Variants in SMARCA2 observed in about 807,000 individuals in gnomAD.
SMARCA2 encodes SWI/SNF-related matrix-associated actin-dependent regulator of chromatin subfamily A member 2.
A neutral mutation model predicts 199.8 loss-of-function variants in SMARCA2; 61 were observed. The ratio of observed to expected loss-of-function variants is 0.31; its 90% CI spans 0.25 to 0.38. The LOEUF is 0.38. Ranked by LOEUF, SMARCA2 falls within the 10% of genes least tolerant of loss-of-function variation. SMARCA2 has a pLI of 1.00. For missense variants in SMARCA2, 1,344 were observed against 2,012.2 expected, an observed-to-expected ratio of 0.67 and a Z score of 6.35; for synonymous variants, 935 against 732.0, an observed-to-expected ratio of 1.28 and a Z score of -4.48.
intron 14 of SMARCA2, among the ~76,000 whole-genome samples, chr9:2,078,598 G>A (rs1329562152): frequency 3.3e-5 from 5 of 152,094 alleles, no homozygotes; most frequent in Admixed American, 6.5e-5. Flanking sequence ...ACTTAGTGAC[G>A]TTTCCCAAAT....
intron 21 of SMARCA2, among the ~76,000 whole-genome samples, chr9:2,098,958 A>AC (rs1182158520): frequency 6.7e-6 from 1 of 149,754 alleles, no homozygotes; most frequent in East Asian, 2.2e-4. Flanking sequence ...AAAAAAAAAA[A>AC]AAAAGTCACA....
Position 2,060,999 on chromosome 9 carries a change from G to T in SMARCA2, c.1692+13G>T, listed in dbSNP as rs761518292. On this transcript the variant is annotated intron_variant, in intron 9 of 33. Transcript: ENST00000349721. ...GAGGAGGAAGAAGGTGCGTATCCTAGTGGTGGTGGCTGAGTCCAGGGTGTA... is the reference window on the plus strand; with the variant it reads ...GAGGAGGAAGAAGGTGCGTATCCTATTGGTGGTGGCTGAGTCCAGGGTGTA... 10 of 1,611,778 alleles carry T rather than the reference G, an allele frequency of 6.2e-6. No individual in the cohort carries two copies. Among genetic ancestry groups the T allele is most frequent in the African/African-American group, 1.3e-5 (1 of 74,914 alleles).
chr9:2,095,756 A>C (rs3793488), intron 19 of SMARCA2, among the ~76,000 whole-genome samples: 18,450 of 152,290 alleles, frequency 0.12, 1,261 homozygotes, highest in East Asian at 0.27. Context: ...TAATGTGATC[A>C]TTTTACATCA....
chr9:2,181,697 C>G (rs771624643), intron 30 of SMARCA2, 21 bp downstream of exon 30: 6 of 1,177,796 alleles, frequency 5.1e-6, no homozygotes, highest in Non-Finnish European at 7.7e-6. Context: ...TGTTTACCAA[C>G]TTTATTCTTC....
At chr9:2,162,489 C>T (rs538079735) in intron 28 of SMARCA2, among the ~76,000 whole-genome samples, 3 of 152,218 alleles carry the variant, frequency 2.0e-5, no homozygotes, top group East Asian at 3.9e-4. Context: ...CTGTGTGGGA[C>T]ACTCCTCCCA....
chr9:2,061,911 C>T (rs74578019), intron 9 of SMARCA2, among the ~76,000 whole-genome samples: 628 of 152,304 alleles, frequency 4.1e-3, no homozygotes, highest in Non-Finnish European at 7.0e-3. Flanking sequence ...GCACTGATTT[C>T]TTTAGTATAA....
At chr9:2,142,012 C>T (rs948471742) in intron 27 of SMARCA2, among the ~76,000 whole-genome samples, 4 of 152,078 alleles carry the variant, frequency 2.6e-5, no homozygotes, top group Admixed American at 2.6e-4. Flanking sequence ...CCTGGCTGCT[C>T]CTACAGTAGG....
At chr9:2,154,578 C>T (rs1244439040) in intron 27 of SMARCA2, among the ~76,000 whole-genome samples, 4 of 152,138 alleles carry the variant, frequency 2.6e-5, no homozygotes, top group African/African-American at 7.2e-5. Flanking sequence ...TGACTTGTTG[C>T]AGTAGCGTGG....
At chr9:2,067,693 A>T (rs1375951207) in intron 9 of SMARCA2, among the ~76,000 whole-genome samples, 2 of 152,220 alleles carry the variant, frequency 1.3e-5, no homozygotes, top group Admixed American at 1.3e-4. Flanking sequence ...GCACTTAATT[A>T]CAGAGAGCTA....
At position 2,036,177 on chromosome 9, in the gene SMARCA2, A is replaced by AGTGT. The variant is rs140964092; in HGVS notation, c.355+3119_355+3122dup. ...TTCAAAAGCAGGTATATATTTAAAT[A>AGTGT]GTGTGTGTGTGTGTGTGTGTGTGTG... On this transcript the variant is annotated intron_variant, in intron 3 of 33. Coordinates refer to ENST00000349721, the MANE Select transcript of SMARCA2 (RefSeq NM_003070.5). 2.5e-3 allele frequency among the ~76,000 whole-genome samples: 368 copies of AGTGT among 147,916 alleles called. 2 individuals are homozygous for AGTGT. Among genetic ancestry groups the AGTGT allele is most frequent in the Non-Finnish European group, 3.3e-3 (216 of 66,352 alleles).
intron 3 of SMARCA2, among the ~76,000 whole-genome samples, chr9:2,035,794 T>C (rs1390287910): frequency 6.6e-6 from 1 of 152,238 alleles, no homozygotes; most frequent in Non-Finnish European, 1.5e-5. Context: ...TTCTCTAAAA[T>C]AGTGAAGTGC....
chr9:2,044,157 G>A (rs185348298), intron 4 of SMARCA2: 1 of 152,362 alleles, frequency 6.6e-6, no homozygotes, highest in African/African-American at 2.4e-5. Context: ...GGTAGACTTT[G>A]GGCAAGGCTA....
intron 9 of SMARCA2, among the ~76,000 whole-genome samples, chr9:2,069,415 C>G (rs1000818814): frequency 6.6e-6 from 1 of 151,408 alleles, no homozygotes; most frequent in African/African-American, 2.4e-5. Context: ...AAAAATTAGC[C>G]GGGCGTGGTG....
At chr9:2,157,649 C>G (rs1057195187) in intron 27 of SMARCA2, 1 of 373,228 alleles carries the variant, frequency 2.7e-6, no homozygotes, top group Non-Finnish European at 4.8e-6. Flanking sequence ...GTTTGTTCCA[C>G]TGTAAGGACT....
At chr9:2,097,067 C>G (rs1822303472) in intron 20 of SMARCA2, 1 of 494,136 alleles carries the variant, frequency 2.0e-6, no homozygotes, top group Non-Finnish European at 3.6e-6. Context: ...AATCCAGTTT[C>G]ACTCCCTGGG....
At chr9:2,181,271 T>TTAAA (rs1827003845) in intron 29 of SMARCA2, 5 of 220,528 alleles carry the variant, frequency 2.3e-5, no homozygotes, top group South Asian at 2.1e-4. Flanking sequence ...CAAGGATATT[T>TTAAA]TAAATATTTC....
chr9:2,163,018 A>G (rs1166784566), intron 28 of SMARCA2: 2 of 152,260 alleles, frequency 1.3e-5, no homozygotes, highest in Admixed American at 1.3e-4. Flanking sequence ...TTTAACATGA[A>G]TAACTACGTT....
intron 24 of SMARCA2, among the ~76,000 whole-genome samples, chr9:2,111,655 G>T (rs181688602): frequency 6.6e-6 from 1 of 152,038 alleles, no homozygotes; most frequent in Non-Finnish European, 1.5e-5. Context: ...GCCATATAGC[G>T]TCACTTTTGG....
intron 17 of SMARCA2, among the ~76,000 whole-genome samples, chr9:2,085,066 C>T (rs1307843602): frequency 6.6e-6 from 1 of 152,148 alleles, no homozygotes; most frequent in African/African-American, 2.4e-5. Context: ...TCTACCTCTG[C>T]ATTAAACTCT....
Sources: allele counts gnomAD v4.1 joint callset (sites outside exome capture counted in the v4.1 genomes callset), GRCh38; gene constraint gnomAD v4.1.1; transcripts MANE v1.5; gene names NCBI Gene and HGNC (gene_info 2026-07-23, HGNC 2026-07-21).